CEP63: variants seen among roughly 807,000 people sequenced by gnomAD.
CEP63 encodes the protein centrosomal protein of 63 kDa.
In CEP63, 84 loss-of-function variants were observed where a neutral mutation model predicts 89.1. The ratio of observed to expected loss-of-function variants is 0.94; its 90% CI spans 0.79 to 1.13. The LOEUF (loss-of-function observed/expected upper bound fraction) is 1.13. Among genes scored for constraint, CEP63 ranks in the 50% most tolerant of loss-of-function variants. The pLI, the probability that CEP63 is intolerant of heterozygous loss-of-function variation, is 0.00. For missense variants in CEP63, 838 were observed against 813.3 expected, an observed-to-expected ratio of 1.03 and a Z score of -0.37; for synonymous variants, 267 against 272.5, an observed-to-expected ratio of 0.98 and a Z score of 0.20.
chr3:134,544,643 G>C (rs545571865), intron 6 of CEP63, among the ~76,000 whole-genome samples: 12 of 147,962 alleles, frequency 8.1e-5, no homozygotes, highest in African/African-American at 2.7e-4. Context: ...AGGTGGGGGG[G>C]GGAATTTAAA....
At chr3:134,594,462 C>T in the CEP63 span, among the ~76,000 whole-genome samples, 48,172 of 151,970 alleles carry the variant, frequency 0.32, 7,919 homozygotes, top group African/African-American at 0.35. Flanking sequence ...AAAGCAATCT[C>T]GGCACATGCT....
the CEP63 span, chr3:134,629,499 T>A: frequency 4.3e-6 from 3 of 698,928 alleles, no homozygotes; most frequent in South Asian, 5.2e-5. Context: ...CTTTTCCCAG[T>A]TTGCAGGCCC....
At chr3:134,587,929 A>T (rs1958519449), downstream of CEP63, among the ~76,000 whole-genome samples, 1 of 152,166 alleles carries the variant, frequency 6.6e-6, no homozygotes, top group African/African-American at 2.4e-5. Context: ...AGACTAACAA[A>T]CTTGAATTAA....
At chr3:134,763,301 A>G in the CEP63 span, among the ~76,000 whole-genome samples, 36 of 152,120 alleles carry the variant, frequency 2.4e-4, no homozygotes, top group Middle Eastern at 6.8e-3. Flanking sequence ...TCATTGTTCA[A>G]TTCCCACCTA....
chr3:134,551,175 A>G (rs916415558), intron 11 of CEP63, among the ~76,000 whole-genome samples: 16 of 151,944 alleles, frequency 1.1e-4, no homozygotes, highest in African/African-American at 2.9e-4. Context: ...GGAATTTTGT[A>G]TGGGTAATAG....
the CEP63 span, among the ~76,000 whole-genome samples, chr3:134,617,160 T>C: frequency 6.6e-6 from 1 of 152,214 alleles, no homozygotes; most frequent in Non-Finnish European, 1.5e-5. Context: ...TTCTACAGTA[T>C]GCTAGAAAGC....
At chr3:134,767,868 C>CTA in the CEP63 span, among the ~76,000 whole-genome samples, 2 of 152,166 alleles carry the variant, frequency 1.3e-5, no homozygotes, top group Non-Finnish European at 2.9e-5. Flanking sequence ...TCAGGGGCAG[C>CTA]TATTCTAACC....
chr3:134,578,333 T>TG (rs1560077845), downstream of CEP63, among the ~76,000 whole-genome samples: 9 of 63,350 alleles, frequency 1.4e-4, no homozygotes, highest in South Asian at 6.0e-4. Context: ...TTTTTTTTTT[T>TG]TTTTTTTTTT....
the CEP63 span, among the ~76,000 whole-genome samples, chr3:134,710,445 G>A: frequency 3.3e-5 from 5 of 152,186 alleles, no homozygotes; most frequent in Non-Finnish European, 5.9e-5. Flanking sequence ...CCCAGGTTCC[G>A]GTGGAATCTC....
rs1263872062 is a variant in CEP63, at chr3:134,562,701, T to C, written c.*1166T>C. ...TCCAACACCACTTCCATCCCCAGAC[T>C]GCTTTCTTGCTCTTGAGTTCACCAG... On this transcript the variant is annotated 3_prime_UTR_variant, in exon 15 of 15. Coordinates refer to ENST00000675561, the MANE Select transcript of CEP63 (RefSeq NM_001353108.3). The C allele has an allele frequency of 6.6e-6, 1 of 152,490 alleles. No individual in the cohort carries two copies. Among genetic ancestry groups the C allele is most frequent in the East Asian group, 1.9e-4 (1 of 5,178 alleles). 9.4% of individuals were successfully genotyped at this position (152,490 alleles called of 1,614,324 possible). A position where few individuals can be genotyped will look rare whatever the true frequency, so the allele number is the denominator to read the frequency against.
chr3:134,643,485 G>C, the CEP63 span: 3,351 of 848,004 alleles, frequency 4.0e-3, 52 homozygotes, highest in East Asian at 0.034. Context: ...CGGGGGCCAA[G>C]CACATCCCCA....
At chr3:134,701,411 C>T in the CEP63 span, among the ~76,000 whole-genome samples, 1 of 17,758 alleles carries the variant, frequency 5.6e-5, no homozygotes, top group Non-Finnish European at 2.3e-4. Flanking sequence ...TACATATACA[C>T]ACATATATAT....
chr3:134,613,515 T>G, the CEP63 span, among the ~76,000 whole-genome samples: 1 of 152,188 alleles, frequency 6.6e-6, no homozygotes, highest in Non-Finnish European at 1.5e-5. Context: ...CCAGGTCTGG[T>G]GGTCACCTCT....
chr3:134,701,279 T>TATACGTATATATGTGTAC, the CEP63 span, among the ~76,000 whole-genome samples: 1 of 2,746 alleles, frequency 3.6e-4, no homozygotes, highest in Admixed American at 6.4e-3. Flanking sequence ...TATACACACA[T>TATACGTATATATGTGTAC]ATATACGTAT....
the CEP63 span, among the ~76,000 whole-genome samples, chr3:134,601,373 T>C: frequency 2.6e-5 from 4 of 152,162 alleles, no homozygotes; most frequent in East Asian, 1.9e-4. Context: ...CCAGGATGTA[T>C]TGATTAATTA....
rs755347237 is a variant in CEP63 at position 134,558,243 on chromosome 3, C to T, written c.1569C>T (p.Thr523=). 1.2e-6 allele frequency: 2 copies of T among 1,612,806 alleles called. No individual in the cohort carries two copies. Among genetic ancestry groups the T allele is most frequent in the South Asian group, 2.2e-5 (2 of 91,048 alleles). ...AACTACAGAAAGATTTGATGAATAC[C>T]AAATCTCAGCTGGAGATTTCTACTC... ...NQQLQKDLMN[T]KSQLEISTQM... Residue 523 remains threonine (T), a synonymous_variant, in exon 13 of 15, where the codon ACC becomes ACT. Coordinates refer to ENST00000675561, the MANE Select transcript of CEP63 (RefSeq NM_001353108.3).
At chr3:134,765,823 G>A in the CEP63 span, among the ~76,000 whole-genome samples, 1 of 152,184 alleles carries the variant, frequency 6.6e-6, no homozygotes, top group Admixed American at 6.5e-5. Flanking sequence ...AGTTGGAAAT[G>A]TAACTCTGGG....
At chr3:134,552,373 T>C (rs1218087377) in intron 12 of CEP63, 3 of 166,752 alleles carry the variant, frequency 1.8e-5, no homozygotes, top group Non-Finnish European at 3.9e-5. Flanking sequence ...CTGGCTGATG[T>C]TGTATTTTCA....
At chr3:134,516,049 G>T (rs898267904) in intron 3 of CEP63, among the ~76,000 whole-genome samples, 7 of 152,150 alleles carry the variant, frequency 4.6e-5, no homozygotes. Flanking sequence ...GGGGGCCCAG[G>T]GGACCGGCGT....
Sources: gnomAD v4.1 joint callset for allele counts (sites outside exome capture counted in the v4.1 genomes callset) on GRCh38, gnomAD v4.1.1 for gene constraint, MANE v1.5 for transcripts, NCBI Gene and HGNC (gene_info 2026-07-23, HGNC 2026-07-21) for gene names.